POC1B: variants seen among roughly 807,000 people sequenced by gnomAD.
The protein encoded by POC1B is POC1 centriolar protein B.
A neutral mutation model predicts 60.6 loss-of-function variants in POC1B; 44 were observed. That is an observed-to-expected ratio of 0.73 (90% CI 0.57 to 0.93). The LOEUF (loss-of-function observed/expected upper bound fraction) is 0.93, where lower values mean the gene tolerates loss of function less well. Ranked by LOEUF, POC1B falls within the 40% of genes least tolerant of loss-of-function variation. The pLI, the probability that POC1B is intolerant of heterozygous loss-of-function variation, is 0.00. For synonymous variants in POC1B, 180 were observed against 198.9 expected, an observed-to-expected ratio of 0.90 and a Z score of 0.80; for missense variants, 555 against 572.3, an observed-to-expected ratio of 0.97 and a Z score of 0.31.
intron 2 of POC1B, among the ~76,000 whole-genome samples, chr12:89,504,328 C>T (rs1404251959): frequency 6.6e-6 from 1 of 152,212 alleles, no homozygotes; most frequent in African/African-American, 2.4e-5. Context: ...CTCTCTGAAA[C>T]ATGTGCTGTG....
intron 10 of POC1B, chr12:89,429,245 G>C (rs1220597901): frequency 6.6e-6 from 1 of 152,114 alleles, no homozygotes; most frequent in African/African-American, 2.4e-5. Context: ...GAGAAAAAAG[G>C]GTGCCAGCTC....
In POC1B at chr12:89,471,681, T is replaced by G; in HGVS notation, c.609A>C (p.Ser203=). The G allele has an allele frequency of 1.2e-6, 2 of 1,611,788 alleles. No individual in the cohort carries two copies. The highest frequency in any genetic ancestry group is 1.7e-6 in the Non-Finnish European group (2 of 1,178,944). ...CTTTCACAGTTTGATCAGAACCTGC[T>G]GAAGCTATGCATGTACCACTAGGGT... The part of the protein sequence containing the change: ...DFNPSGTCIA[S]AGSDQTVKVW... Residue 203 remains serine (S), a synonymous_variant, in exon 6 of 12, where the codon TCA becomes TCC. Transcript: ENST00000313546.
intron 4 of POC1B, among the ~76,000 whole-genome samples, chr12:89,486,916 G>GACAC (rs60433981): frequency 6.7e-6 from 1 of 148,676 alleles, no homozygotes; most frequent in Non-Finnish European, 1.5e-5. Context: ...CACACACACA[G>GACAC]ACACACACAC....
At chr12:89,430,918 AC>A (rs367777909) in intron 10 of POC1B, among the ~76,000 whole-genome samples, 2 of 151,972 alleles carry the variant, frequency 1.3e-5, no homozygotes, top group African/African-American at 2.4e-5. Flanking sequence ...GAGAAATATT[AC>A]CCCCCAAAGT....
intron 9 of POC1B, among the ~76,000 whole-genome samples, chr12:89,460,369 CTG>C (rs1363056391): frequency 6.6e-6 from 1 of 152,040 alleles, no homozygotes; most frequent in African/African-American, 2.4e-5. Flanking sequence ...TAAGTAGAAA[CTG>C]TATCATAAAT....
intron 7 of POC1B, among the ~76,000 whole-genome samples, chr12:89,470,000 T>C (rs1031833263): frequency 6.6e-6 from 1 of 152,070 alleles, no homozygotes; most frequent in Non-Finnish European, 1.5e-5. Context: ...CCCAACCAAG[T>C]AGCTTGGATT....
At chr12:89,522,717 T>C (rs1211052186) in intron 2 of POC1B, 1 of 1,478,264 alleles carries the variant, frequency 6.8e-7, no homozygotes, top group Non-Finnish European at 9.0e-7. Flanking sequence ...GCTAGGTGGC[T>C]TTTGATAAAA....
chr12:89,453,070 TG>T (rs376710262), intron 10 of POC1B, among the ~76,000 whole-genome samples: 154 of 152,362 alleles, frequency 1.0e-3, no homozygotes, highest in African/African-American at 3.6e-3. Context: ...TGTTTCTAAA[TG>T]GCAAGAGATC....
intron 10 of POC1B, among the ~76,000 whole-genome samples, chr12:89,454,291 C>T (rs1291090647): frequency 1.3e-5 from 2 of 152,214 alleles, no homozygotes; most frequent in African/African-American, 4.8e-5. Flanking sequence ...AGGAAATCCT[C>T]TTGGCTCTGC....
chr12:89,511,721 A>C (rs535773089), intron 2 of POC1B, among the ~76,000 whole-genome samples: 24 of 152,280 alleles, frequency 1.6e-4, no homozygotes, highest in Non-Finnish European at 2.9e-4. Context: ...AAATATTTTT[A>C]AGAAAAGAAA....
chr12:89,486,834 C>CT (rs909596375), intron 4 of POC1B, among the ~76,000 whole-genome samples: 1 of 151,980 alleles, frequency 6.6e-6, no homozygotes, highest in Non-Finnish European at 1.5e-5. Flanking sequence ...TGGAAAGCAT[C>CT]TTTTTTAGGA....
intron 10 of POC1B, among the ~76,000 whole-genome samples, chr12:89,436,969 A>G (rs1881296708): frequency 1.3e-5 from 2 of 152,162 alleles, no homozygotes; most frequent in Non-Finnish European, 2.9e-5. Flanking sequence ...CCTAATAAAC[A>G]GTGCCATTAT....
chr12:89,435,521 T>G (rs978089092), intron 10 of POC1B, among the ~76,000 whole-genome samples: 1 of 152,164 alleles, frequency 6.6e-6, no homozygotes, highest in African/African-American at 2.4e-5. Flanking sequence ...GAGTATCAAA[T>G]CCTTCATCAT....
intron 2 of POC1B, chr12:89,501,084 G>A (rs1283184757): frequency 3.4e-6 from 4 of 1,180,006 alleles, no homozygotes; most frequent in Non-Finnish European, 5.1e-6. Context: ...CGGGGCCTCT[G>A]AAACAACGCA....
the POC1B span, among the ~76,000 whole-genome samples, chr12:89,407,336 G>C: frequency 2.0e-5 from 3 of 151,694 alleles, no homozygotes; most frequent in Non-Finnish European, 2.9e-5. Flanking sequence ...GGGTTCAAGC[G>C]ATTCTTCTGC....
intron 11 of POC1B, among the ~76,000 whole-genome samples, chr12:89,424,670 T>G (rs1345464603): frequency 6.6e-6 from 1 of 152,224 alleles, no homozygotes; most frequent in Non-Finnish European, 1.5e-5. Flanking sequence ...AATTTTGGTA[T>G]ATTATTTAAG....
chr12:89,440,173 A>G (rs531843544), intron 10 of POC1B, among the ~76,000 whole-genome samples: 34 of 152,282 alleles, frequency 2.2e-4, no homozygotes, highest in African/African-American at 7.7e-4. Context: ...ACACCACAAG[A>G]TGCACTACCC....
intron 10 of POC1B, among the ~76,000 whole-genome samples, chr12:89,435,977 A>C (rs1881246732): frequency 1.3e-5 from 2 of 149,270 alleles, no homozygotes; most frequent in Admixed American, 6.7e-5. Context: ...ACAGAATCTC[A>C]CTATGTCGCC....
chr12:89,500,770 A>G, intron 2 of POC1B: 1 of 1,043,752 alleles, frequency 9.6e-7, no homozygotes, highest in South Asian at 1.5e-5. Flanking sequence ...ATAGATAATA[A>G]AGTATCAGAT....
Sources: gnomAD v4.1 joint callset for allele counts (sites outside exome capture counted in the v4.1 genomes callset) on GRCh38, gnomAD v4.1.1 for gene constraint, MANE v1.5 for transcripts, NCBI Gene and HGNC (gene_info 2026-07-23, HGNC 2026-07-21) for gene names.